SYNPR: variants seen among roughly 807,000 people sequenced by gnomAD.
SYNPR encodes the protein synaptoporin.
SYNPR carries 23 observed loss-of-function variants against 32.9 expected under a neutral mutation model. That is an observed-to-expected ratio of 0.70 (90% CI 0.50 to 0.99). The LOEUF (loss-of-function observed/expected upper bound fraction) is 0.99, where lower values mean the gene tolerates loss of function less well. SYNPR is among the 50% of genes least tolerant of loss of function. The pLI is 0.00. For synonymous variants in SYNPR, 146 were observed against 135.9 expected (o/e 1.07, Z -0.52); for missense variants, 318 against 349.3 (o/e 0.91, Z 0.71).
intron 2 of SYNPR, among the ~76,000 whole-genome samples, chr3:63,380,740 G>A (rs2087956663): frequency 6.6e-6 from 1 of 152,034 alleles, no homozygotes; most frequent in Non-Finnish European, 1.5e-5. Context: ...ATGCAAGGCT[G>A]GTTCAACATA....
intron 1 of SYNPR, among the ~76,000 whole-genome samples, chr3:63,246,586 G>C (rs1197352818): frequency 2.0e-5 from 3 of 152,060 alleles, no homozygotes; most frequent in African/African-American, 7.2e-5. Flanking sequence ...ATACCAAGTG[G>C]TCAGAAAAGT....
chr3:63,415,660 GC>G (rs1359490307), intron 2 of SYNPR, among the ~76,000 whole-genome samples: 1 of 152,212 alleles, frequency 6.6e-6, no homozygotes, highest in Non-Finnish European at 1.5e-5. Context: ...CAGCTGGTGG[GC>G]CTTACTTGGC....
At chr3:63,470,480 T>C (rs1365191201) in intron 2 of SYNPR, among the ~76,000 whole-genome samples, 1 of 152,218 alleles carries the variant, frequency 6.6e-6, no homozygotes, top group African/African-American at 2.4e-5. Flanking sequence ...TAAATTTCAA[T>C]TGATAGGCAA....
the SYNPR span, among the ~76,000 whole-genome samples, chr3:63,209,145 C>T: frequency 2.0e-4 from 30 of 152,052 alleles, no homozygotes; most frequent in African/African-American, 6.5e-4. Flanking sequence ...AGTGAAACCC[C>T]GTCTCTACTA....
intron 3 of SYNPR, among the ~76,000 whole-genome samples, chr3:63,482,771 A>G (rs1371972501): frequency 6.6e-6 from 1 of 152,154 alleles, no homozygotes; most frequent in Admixed American, 6.6e-5. Flanking sequence ...TAGGGTTGCA[A>G]TTTCAATTTT....
intron 2 of SYNPR, among the ~76,000 whole-genome samples, chr3:63,456,742 G>T (rs1298251222): frequency 6.6e-6 from 1 of 151,892 alleles, no homozygotes; most frequent in Non-Finnish European, 1.5e-5. Flanking sequence ...TCATGATCAC[G>T]CCTCTTTCCC....
chr3:63,369,416 G>A (rs10510896), intron 2 of SYNPR, among the ~76,000 whole-genome samples: 20,375 of 152,222 alleles, frequency 0.13, 2,094 homozygotes, highest in East Asian at 0.56. Flanking sequence ...TATAGGGAAA[G>A]TAGATCTCAG....
upstream of SYNPR, among the ~76,000 whole-genome samples, chr3:63,224,656 AC>A (rs2086115559): frequency 1.3e-5 from 2 of 152,298 alleles, no homozygotes; most frequent in African/African-American, 4.8e-5. Flanking sequence ...CTAATCAGGA[AC>A]AAGACTATGC....
chr3:63,583,034 G>A (rs1244894861), intron 4 of SYNPR, among the ~76,000 whole-genome samples: 1 of 152,068 alleles, frequency 6.6e-6, no homozygotes, highest in African/African-American at 2.4e-5. Context: ...GACAGGAAAG[G>A]GGCAGCTTTA....
intron 4 of SYNPR, among the ~76,000 whole-genome samples, chr3:63,579,014 T>A (rs983211793): frequency 6.6e-6 from 1 of 152,136 alleles, no homozygotes; most frequent in Non-Finnish European, 1.5e-5. Context: ...CATCTTCTTA[T>A]CTCTTCCTTG....
At chr3:63,283,008 AT>A (rs2086644302) in intron 2 of SYNPR, among the ~76,000 whole-genome samples, 1 of 152,116 alleles carries the variant, frequency 6.6e-6, no homozygotes, top group South Asian at 2.1e-4. Flanking sequence ...GTTAAAATTG[AT>A]TTTTTCAGAA....
intron 2 of SYNPR, among the ~76,000 whole-genome samples, chr3:63,403,209 G>T (rs2088315237): frequency 6.6e-6 from 1 of 152,056 alleles, no homozygotes; most frequent in Non-Finnish European, 1.5e-5. Context: ...GATTGAAAGA[G>T]GTAGAAGTAA....
the SYNPR span, among the ~76,000 whole-genome samples, chr3:63,219,756 G>C: frequency 6.6e-6 from 1 of 152,122 alleles, no homozygotes; most frequent in African/African-American, 2.4e-5. Flanking sequence ...CATAATGAAG[G>C]TCTTCATTCT....
chr3:63,207,394 G>A, the SYNPR span, among the ~76,000 whole-genome samples: 1 of 152,310 alleles, frequency 6.6e-6, no homozygotes, highest in East Asian at 1.9e-4. Flanking sequence ...AACCAGAGCA[G>A]GTGGATTTAA....
In SYNPR at chr3:63,297,156, C is replaced by T. The variant is rs553325946; in HGVS notation, c.84+18414C>T. Among the ~76,000 whole-genome samples the T allele has an allele frequency of 1.4e-4, 21 of 152,244 alleles. No homozygotes were observed. In the South Asian group the frequency reaches 2.5e-3, roughly 18 times the overall value. ...TTTAGATTAGGGACTAGCTATTATG[C>T]GCTAGAAAATGTTCACTGTGAAGTG... On this transcript the variant is annotated intron_variant, in intron 2 of 5. Coordinates refer to ENST00000478300, the MANE Select transcript of SYNPR (RefSeq NM_001130003.2).
chr3:63,548,855 C>T (rs1183889845), intron 3 of SYNPR, among the ~76,000 whole-genome samples: 1 of 152,164 alleles, frequency 6.6e-6, no homozygotes, highest in African/African-American at 2.4e-5. Flanking sequence ...TTCTGTCTTG[C>T]ACTGAACCAC....
At position 63,411,287 on chromosome 3, in the gene SYNPR, G is replaced by T. The variant is rs1433353351; in HGVS notation, c.85-69545G>T. ...GCTTCAGTTCTACTTTGAACATATT[G>T]GTGTGGGTAGCATGTTTCTGCTGGC... is the stretch of plus-strand genomic sequence containing the variant. On this transcript the variant is annotated intron_variant, in intron 2 of 5. Coordinates refer to ENST00000478300, the MANE Select transcript of SYNPR (RefSeq NM_001130003.2). Among the ~76,000 whole-genome samples, 3 of 152,108 alleles carry T rather than the reference G, an allele frequency of 2.0e-5. No individual in the cohort carries two copies. In the South Asian group the frequency reaches 6.2e-4, roughly 31 times the overall value.
intron 2 of SYNPR, among the ~76,000 whole-genome samples, chr3:63,334,828 C>A (rs1560195663): frequency 1.3e-5 from 2 of 151,922 alleles, no homozygotes; most frequent in African/African-American, 4.8e-5. Context: ...TTTGCCATCA[C>A]TTTCAATAGC....
At chr3:63,310,748 A>G (rs970786371) in intron 2 of SYNPR, among the ~76,000 whole-genome samples, 3 of 152,028 alleles carry the variant, frequency 2.0e-5, no homozygotes, top group Non-Finnish European at 4.4e-5. Context: ...AGACCTGGAT[A>G]TGAATTCCAG....
Sources: allele counts gnomAD v4.1 joint callset (sites outside exome capture counted in the v4.1 genomes callset), GRCh38; gene constraint gnomAD v4.1.1; transcripts MANE v1.5; gene names NCBI Gene and HGNC (gene_info 2026-07-23, HGNC 2026-07-21).